SLC1A2: variants seen among roughly 807,000 people sequenced by gnomAD.
SLC1A2 encodes the protein excitatory amino acid transporter 2.
Under a neutral mutation model 48.8 loss-of-function variants are expected in SLC1A2, and 15 were observed. The ratio of observed to expected loss-of-function variants is 0.31; its 90% confidence interval spans 0.21 to 0.47. SLC1A2 has a LOEUF of 0.47. SLC1A2 is among the 20% of genes least tolerant of loss of function. The pLI is 0.99. For synonymous variants in SLC1A2, 279 were observed against 272.6 expected (o/e 1.02, Z -0.23); for missense variants, 502 against 730.5 (o/e 0.69, Z 3.61).
At chr11:35,335,699 A>G (rs1347399863) in intron 1 of SLC1A2, among the ~76,000 whole-genome samples, 2 of 152,168 alleles carry the variant, frequency 1.3e-5, no homozygotes, top group African/African-American at 2.4e-5. Context: ...TCAGTGGCTC[A>G]TATCTACAAT....
rs561767757 is a variant in SLC1A2, at chr11:35,412,214, T to G, written c.17+6736A>C. 2.6e-5 allele frequency among the ~76,000 whole-genome samples: 4 copies of G among 152,298 alleles called. No individual in the cohort carries two copies. The South Asian group carries it at 8.3e-4, about 32-fold the overall frequency. ...AATCAAAACTTCTCTAAGTTCCAGT[T>G]TTTTCATCTCTAAAATGAGATAATA... On this transcript the variant is annotated intron_variant, in intron 1 of 10. Coordinates refer to ENST00000278379, the MANE Select transcript of SLC1A2 (RefSeq NM_004171.4).
intron 1 of SLC1A2, chr11:35,399,692 A>C (rs1381138772): frequency 4.2e-6 from 3 of 719,274 alleles, no homozygotes; most frequent in African/African-American, 3.8e-5. Context: ...CTGCAGGGCC[A>C]AAAAGAAGAA....
intron 1 of SLC1A2, among the ~76,000 whole-genome samples, chr11:35,351,465 A>C (rs1853249326): frequency 6.6e-6 from 1 of 152,014 alleles, no homozygotes; most frequent in Non-Finnish European, 1.5e-5. Flanking sequence ...ACTTCACCCC[A>C]CTCAGCTCAG....
At chr11:35,285,707 G>C (rs1020758724) in intron 8 of SLC1A2, 2 of 152,220 alleles carry the variant, frequency 1.3e-5, no homozygotes, top group Admixed American at 1.3e-4. Flanking sequence ...GGGAGACTGT[G>C]GGAAACTGAA....
intron 4 of SLC1A2, among the ~76,000 whole-genome samples, chr11:35,307,882 T>C (rs1479812483): frequency 2.0e-5 from 3 of 152,164 alleles, no homozygotes; most frequent in Non-Finnish European, 4.4e-5. Flanking sequence ...CATGTACTCG[T>C]GCAGGGAGAG....
At chr11:35,353,966 G>A (rs907180260) in intron 1 of SLC1A2, among the ~76,000 whole-genome samples, 1 of 152,154 alleles carries the variant, frequency 6.6e-6, no homozygotes, top group Non-Finnish European at 1.5e-5. Context: ...AGACAGCACT[G>A]TTAGAATGGT....
At chr11:35,414,894 T>C (rs1590295537) in intron 1 of SLC1A2, among the ~76,000 whole-genome samples, 2 of 152,124 alleles carry the variant, frequency 1.3e-5, no homozygotes, top group Non-Finnish European at 2.9e-5. Context: ...GCCAGTCCAA[T>C]GGGAGAAAAA....
intron 1 of SLC1A2, among the ~76,000 whole-genome samples, chr11:35,339,083 A>C (rs963665685): frequency 6.6e-6 from 1 of 152,232 alleles, no homozygotes; most frequent in Non-Finnish European, 1.5e-5. Flanking sequence ...GACCCAGTAG[A>C]GTACTGGCTT....
In SLC1A2 at chr11:35,251,743, T is replaced by G; in HGVS notation, c.*9151A>C. ...ATATCTCCTCATATGAAGCAGCCACTGCAAATTAATGTGCTTCATGCCCCC... is the reference window on the plus strand; with the variant it reads ...ATATCTCCTCATATGAAGCAGCCACGGCAAATTAATGTGCTTCATGCCCCC... On this transcript the variant is annotated 3_prime_UTR_variant, in exon 11 of 11. Coordinates refer to ENST00000278379, the MANE Select transcript of SLC1A2 (RefSeq NM_004171.4). The G allele has an allele frequency of 6.6e-6, 1 of 152,642 alleles. No individual in the cohort carries two copies. The highest frequency in any genetic ancestry group is 1.9e-4 in the East Asian group (1 of 5,202). 9.5% of individuals were successfully genotyped at this position (152,642 alleles called of 1,614,324 possible).
At chr11:35,411,317 T>C (rs943170698) in intron 1 of SLC1A2, among the ~76,000 whole-genome samples, 3 of 152,256 alleles carry the variant, frequency 2.0e-5, no homozygotes, top group Non-Finnish European at 4.4e-5. Flanking sequence ...TTAGAATGTC[T>C]GAGATGTGTG....
chr11:35,304,067 T>A (rs1191648959), intron 5 of SLC1A2, among the ~76,000 whole-genome samples: 2 of 152,180 alleles, frequency 1.3e-5, no homozygotes, highest in Non-Finnish European at 2.9e-5. Flanking sequence ...ATTCAGCTTG[T>A]AATTTTTCTT....
chr11:35,405,366 G>A (rs1325892325), intron 1 of SLC1A2, among the ~76,000 whole-genome samples: 2 of 150,902 alleles, frequency 1.3e-5, no homozygotes, highest in South Asian at 4.2e-4. Flanking sequence ...TAACAACAAC[G>A]TTGTCTGCTT....
Position 35,292,290 on chromosome 11 carries a change from G to A in SLC1A2, c.1088C>T (p.Ser363Phe). The A allele has an allele frequency of 6.2e-7, 1 of 1,609,340 alleles. No individual in the cohort carries two copies. Among genetic ancestry groups the A allele is most frequent in the Non-Finnish European group, 8.5e-7 (1 of 1,175,926 alleles). Residue 363 changes from serine (S) to phenylalanine (F), a missense_variant, in exon 7 of 11, where the codon TCC becomes TTC. Ser to Phe is a radical substitution (Grantham distance 155). Around this residue, in one of 4 missense-constraint regions of SLC1A2, gnomAD observed 309 missense variants for 480.3 expected, o/e 0.64. Transcript: ENST00000278379. ...GGTGATTTCTTTTGTTCTCTACCTG[G>A]AAGCGGTGCCCAGGGCAGTGATCCA... ...QAWITALGTA[S>F]SAGTLPVTFR...
chr11:35,278,284 T>G (rs971075326), intron 9 of SLC1A2, among the ~76,000 whole-genome samples: 34 of 149,284 alleles, frequency 2.3e-4, no homozygotes, highest in East Asian at 7.9e-4. Flanking sequence ...TTTTTTTTTT[T>G]TTTTTTTTTA....
intron 1 of SLC1A2, among the ~76,000 whole-genome samples, chr11:35,325,205 C>T (rs888532928): frequency 2.0e-5 from 3 of 152,200 alleles, no homozygotes; most frequent in African/African-American, 4.8e-5. Flanking sequence ...TCTCTGCTAG[C>T]TAAAACATCC....
intron 1 of SLC1A2, among the ~76,000 whole-genome samples, chr11:35,374,713 C>T (rs1364379387): frequency 6.6e-6 from 1 of 151,714 alleles, no homozygotes; most frequent in East Asian, 1.9e-4. Flanking sequence ...TTTTAAATGT[C>T]CTGTGTCATT....
rs774811715 is a variant in SLC1A2, at chr11:35,395,307, GT to G, written c.17+23642del. On this transcript the variant is annotated intron_variant, in intron 1 of 10. Coordinates refer to ENST00000278379, the MANE Select transcript of SLC1A2 (RefSeq NM_004171.4). Reference sequence around the variant, plus strand: ...ACTTCTGAGAATAGCTATTTTTAAGGTTCTCTCTCTCCCTCTCTTTTTAATC... The same window carrying G: ...ACTTCTGAGAATAGCTATTTTTAAGGTCTCTCTCTCCCTCTCTTTTTAATC... Among the ~76,000 whole-genome samples the G allele has an allele frequency of 2.1e-4, 32 of 151,606 alleles. 1 individual carries two copies. The highest frequency in any genetic ancestry group is 4.1e-4 in the Non-Finnish European group (28 of 67,916).
intron 1 of SLC1A2, 115 bp downstream of exon 1, chr11:35,418,835 C>T (rs1336621500): frequency 6.7e-6 from 6 of 890,988 alleles, no homozygotes; most frequent in African/African-American, 3.4e-5. Context: ...GCTACGGCTC[C>T]GCCACCACCT....
intron 1 of SLC1A2, among the ~76,000 whole-genome samples, chr11:35,351,639 A>G (rs150850528): frequency 0.027 from 4,074 of 151,988 alleles, 171 homozygotes; most frequent in African/African-American, 0.092. Flanking sequence ...ATTTTTATTT[A>G]TTTATTTATT....
Sources: allele counts gnomAD v4.1 joint callset (sites outside exome capture counted in the v4.1 genomes callset), GRCh38; gene constraint gnomAD v4.1.1; regional missense constraint gnomAD v4.1.1; transcripts MANE v1.5; gene names NCBI Gene and HGNC (gene_info 2026-07-23, HGNC 2026-07-21).